The following ARPP21 variants were observed in gnomAD, a reference collection of about 807,000 sequenced individuals.
The protein encoded by ARPP21 is cAMP regulated phosphoprotein 21.
Under a neutral mutation model 113.2 loss-of-function variants are expected in ARPP21, and 69 were observed. That is an observed-to-expected ratio of 0.61 (90% CI 0.50 to 0.74). ARPP21 has a LOEUF of 0.74. ARPP21 is among the 30% of genes least tolerant of loss of function. ARPP21 has a pLI of 0.00. For missense variants in ARPP21, 1,070 were observed against 1,037.4 expected, an observed-to-expected ratio of 1.03 and a Z score of -0.43; for synonymous variants, 368 against 375.5, an observed-to-expected ratio of 0.98 and a Z score of 0.23.
chr3:35,793,256 C>A (rs752351145), intron 20 of ARPP21, among the ~76,000 whole-genome samples: 3 of 152,158 alleles, frequency 2.0e-5, no homozygotes, highest in Non-Finnish European at 4.4e-5. Context: ...GTGCCCAGGA[C>A]AAAAGCCCTT....
At chr3:35,675,201 C>CTTTTTTTTTTTTTTTTTTTTTT (rs1559570072) in intron 1 of ARPP21, among the ~76,000 whole-genome samples, 1 of 151,422 alleles carries the variant, frequency 6.6e-6, no homozygotes, top group African/African-American at 2.4e-5. Context: ...CACCACCTTT[C>CTTTTTTTTTTTTTTTTTTTTTT]ATGTGGGTAA....
At chr3:35,667,953 A>AGAAGAAGAAGAAGAG (rs2075061257) in intron 1 of ARPP21, among the ~76,000 whole-genome samples, 3 of 19,770 alleles carry the variant, frequency 1.5e-4, no homozygotes, top group African/African-American at 5.0e-4. Context: ...GAAGAAAAGA[A>AGAAGAAGAAGAAGAG]GAAGAAGAAG....
intron 1 of ARPP21, among the ~76,000 whole-genome samples, chr3:35,659,476 C>T (rs1706638752): frequency 6.6e-6 from 1 of 152,096 alleles, no homozygotes; most frequent in African/African-American, 2.4e-5. Context: ...CATTCATTTC[C>T]TATTGTATTC....
chr3:35,756,373 C>T (rs1376670550), intron 19 of ARPP21, among the ~76,000 whole-genome samples: 1 of 152,094 alleles, frequency 6.6e-6, no homozygotes, highest in Non-Finnish European at 1.5e-5. Context: ...TAGTATGATT[C>T]CATGGCTGAG....
intron 11 of ARPP21, among the ~76,000 whole-genome samples, 172 bp downstream of exon 11, chr3:35,709,242 T>G (rs756743210): frequency 6.6e-6 from 1 of 152,172 alleles, no homozygotes; most frequent in South Asian, 2.1e-4. Flanking sequence ...AGGGAAGTGA[T>G]AGAAACCTAG....
In ARPP21 at chr3:35,656,810, A is replaced by C. The variant is rs542396720; in HGVS notation, c.-213+16412A>C. 2.0e-5 allele frequency among the ~76,000 whole-genome samples: 3 copies of C among 152,160 alleles called. No homozygotes were observed. In the South Asian group the frequency reaches 6.2e-4, roughly 32 times the overall value. On this transcript the variant is annotated intron_variant, in intron 1 of 20. Transcript: ENST00000684406. ...CCCCTAAAAAAGTCAAATTTACTGT[A>C]TAATAGTTTTAAAATTAAAAAAGGC...
chr3:35,648,538 C>T (rs1352535321), intron 1 of ARPP21, among the ~76,000 whole-genome samples: 2 of 152,194 alleles, frequency 1.3e-5, no homozygotes, highest in East Asian at 1.9e-4. Context: ...AGCTTCCTGT[C>T]TCCAAGCACT....
chr3:35,698,395 T>C (rs1251839606), intron 9 of ARPP21, among the ~76,000 whole-genome samples: 2 of 151,708 alleles, frequency 1.3e-5, no homozygotes, highest in Non-Finnish European at 3.0e-5. Flanking sequence ...TTAACTATTT[T>C]GAAAATGAAA....
chr3:35,651,385 C>A (rs1489390582), intron 1 of ARPP21, among the ~76,000 whole-genome samples: 1 of 152,046 alleles, frequency 6.6e-6, no homozygotes, highest in African/African-American at 2.4e-5. Context: ...TATCTAAGAT[C>A]TCTTCCAGTT....
chr3:35,755,471 T>C (rs1394698107), intron 19 of ARPP21, among the ~76,000 whole-genome samples: 3 of 152,100 alleles, frequency 2.0e-5, no homozygotes, highest in East Asian at 3.9e-4. Context: ...TGTTATGTTT[T>C]AGTTGTCTGC....
At position 35,667,841 on chromosome 3, in the gene ARPP21, AAAG is replaced by A. The variant is rs757542723; in HGVS notation, c.-212-11899_-212-11897del. On this transcript the variant is annotated intron_variant, in intron 1 of 20. Transcript: ENST00000684406. Reference sequence around the variant, plus strand: ...GATCACCTGCAGTACTTTTATTCTCAAAGAAGAAGAAGAAGAAGAAGAAGAAGA... The same window carrying A: ...GATCACCTGCAGTACTTTTATTCTCAAAGAAGAAGAAGAAGAAGAAGAAGA... Among the ~76,000 whole-genome samples the A allele has an allele frequency of 8.9e-3, 722 of 81,466 alleles. 27 individuals are homozygous for A. The highest frequency in any genetic ancestry group is 0.013 in the Non-Finnish European group (568 of 44,782). The allele number at this position is 81,466 out of a possible 152,430, so 53.4% of individuals were successfully genotyped here.
intron 17 of ARPP21, among the ~76,000 whole-genome samples, chr3:35,738,646 C>T (rs984008686): frequency 6.6e-6 from 1 of 152,128 alleles, no homozygotes. Context: ...CGGGAAAGAT[C>T]TCAAGGATGG....
At chr3:35,771,435 T>A (rs2151517490) in intron 19 of ARPP21, among the ~76,000 whole-genome samples, 1 of 152,156 alleles carries the variant, frequency 6.6e-6, no homozygotes, top group African/African-American at 2.4e-5. Flanking sequence ...TTCAAGCGAT[T>A]CTCCTGCCTC....
At position 35,717,335 on chromosome 3, in the gene ARPP21, T is replaced by C; in HGVS notation, c.973T>C (p.Tyr325His). The change falls in exon 13 of 21, where the codon TAT (tyrosine) becomes CAT (histidine). Residue 325 changes from tyrosine (Y) to histidine (H), a missense_variant. Coordinates refer to ENST00000684406, the MANE Select transcript of ARPP21 (RefSeq NM_001385562.1). ...AGACAGTAACATATGCAATGAGACC[T>C]ATAAGAAAAGACAGCTCTTTCGGTT... ...LEDSNICNET[Y>H]KKRQLFRGNR... 6.2e-7 allele frequency: 1 copy of C among 1,607,000 alleles called. No homozygotes were observed. Among genetic ancestry groups the C allele is most frequent in the East Asian group, 2.2e-5 (1 of 44,724 alleles).
chr3:35,704,389 T>C (rs1299949767), intron 9 of ARPP21, among the ~76,000 whole-genome samples: 1 of 151,896 alleles, frequency 6.6e-6, no homozygotes, highest in East Asian at 1.9e-4. Context: ...ATGGAAATGA[T>C]ATTTTTAAAA....
intron 1 of ARPP21, among the ~76,000 whole-genome samples, chr3:35,672,091 G>A (rs1660415272): frequency 6.6e-6 from 1 of 152,036 alleles, no homozygotes; most frequent in South Asian, 2.1e-4. Context: ...AAAACCCTAA[G>A]TTTAATGTTA....
chr3:35,640,547 T>A (rs1697684170), intron 1 of ARPP21, 149 bp downstream of exon 1: 1 of 152,188 alleles, frequency 6.6e-6, no homozygotes, highest in Non-Finnish European at 1.5e-5. Context: ...GCTGATGTTG[T>A]TATACATGTA....
intron 15 of ARPP21, among the ~76,000 whole-genome samples, chr3:35,736,423 T>A (rs2094353551): frequency 6.6e-6 from 1 of 152,200 alleles, no homozygotes; most frequent in South Asian, 2.1e-4. Flanking sequence ...TCACAGGAAT[T>A]GTGATGAGGC....
At chr3:35,787,236 A>C (rs2096651886) in intron 19 of ARPP21, among the ~76,000 whole-genome samples, 1 of 152,178 alleles carries the variant, frequency 6.6e-6, no homozygotes. Context: ...AATAATATAA[A>C]TGCTATTCTT....
Sources: gnomAD v4.1 joint callset for allele counts (sites outside exome capture counted in the v4.1 genomes callset) on GRCh38, gnomAD v4.1.1 for gene constraint, MANE v1.5 for transcripts, NCBI Gene and HGNC (gene_info 2026-07-23, HGNC 2026-07-21) for gene names.